CCSER1: variants seen among roughly 807,000 people sequenced by gnomAD.
CCSER1 encodes serine-rich coiled-coil domain-containing protein 1.
A neutral mutation model predicts 82.0 loss-of-function variants in CCSER1; 41 were observed. The observed-to-expected ratio is 0.50, with a 90% CI of 0.39 to 0.65. The LOEUF (loss-of-function observed/expected upper bound fraction) is 0.65. Among genes scored for constraint, CCSER1 ranks in the 30% least tolerant of loss-of-function variants. The pLI is 0.00. For synonymous variants in CCSER1, 414 were observed against 383.9 expected (o/e 1.08, Z -0.92); for missense variants, 1,119 against 1,064.2 (o/e 1.05, Z -0.72).
At chr4:91,281,176 C>T (rs1311186216) in intron 10 of CCSER1, among the ~76,000 whole-genome samples, 1 of 152,150 alleles carries the variant, frequency 6.6e-6, no homozygotes, top group Admixed American at 6.5e-5. Flanking sequence ...GAGCTGGCTG[C>T]CTCACATTCC....
At chr4:90,298,278 T>C (rs1396950841) in intron 1 of CCSER1, among the ~76,000 whole-genome samples, 1 of 152,152 alleles carries the variant, frequency 6.6e-6, no homozygotes, top group African/African-American at 2.4e-5. Flanking sequence ...AGTTTATTTA[T>C]GTAGGGGTGT....
At chr4:91,210,910 TACAC>T (rs1306683462) in intron 10 of CCSER1, among the ~76,000 whole-genome samples, 2 of 152,006 alleles carry the variant, frequency 1.3e-5, no homozygotes, top group African/African-American at 2.4e-5. Context: ...GCATTAGAAA[TACAC>T]ACTAAGTATT....
chr4:90,514,137 G>C lies in CCSER1; in HGVS notation c.1724+45783G>C, dbSNP rs141777923. 4.2e-4 allele frequency among the ~76,000 whole-genome samples: 64 copies of C among 152,226 alleles called. 2 individuals are homozygous for C. The East Asian group carries it at 0.012, about 28-fold the overall frequency. On this transcript the variant is annotated intron_variant, in intron 5 of 10. Coordinates refer to ENST00000509176, the MANE Select transcript of CCSER1 (RefSeq NM_001145065.2). Reference sequence around the variant, plus strand: ...AAATTTCAGAGGAGAGAATGAAATGGTTTTAGAAATTCAGCAGGAAATTGG... The same window carrying C: ...AAATTTCAGAGGAGAGAATGAAATGCTTTTAGAAATTCAGCAGGAAATTGG...
chr4:91,065,762 TACAC>T (rs1238530029), intron 9 of CCSER1, among the ~76,000 whole-genome samples: 1 of 152,128 alleles, frequency 6.6e-6, no homozygotes, highest in East Asian at 1.9e-4. Context: ...TATTAGTTGA[TACAC>T]ATACAGGTAT....
intron 10 of CCSER1, among the ~76,000 whole-genome samples, chr4:91,405,543 T>G (rs1016281368): frequency 1.3e-5 from 2 of 151,766 alleles, no homozygotes; most frequent in African/African-American, 4.8e-5. Context: ...TGGGAGAAAA[T>G]TTTTACAATC....
chr4:90,717,757 C>A (rs912062918), intron 6 of CCSER1, among the ~76,000 whole-genome samples: 4 of 142,084 alleles, frequency 2.8e-5, no homozygotes, highest in Non-Finnish European at 6.1e-5. Flanking sequence ...TATATATATA[C>A]ACACATATAT....
At chr4:91,496,617 C>T (rs1424498095) in intron 10 of CCSER1, among the ~76,000 whole-genome samples, 197 of 11,422 alleles carry the variant, frequency 0.017, 54 homozygotes, top group African/African-American at 0.028. Context: ...TATATATACA[C>T]GAATATATAT....
intron 1 of CCSER1, among the ~76,000 whole-genome samples, chr4:90,262,872 A>T (rs11931183): frequency 0.045 from 6,813 of 152,168 alleles, 396 homozygotes; most frequent in African/African-American, 0.13. Flanking sequence ...TGACTCTGCC[A>T]CTCATGCAAT....
At chr4:90,533,581 A>G (rs1774913590) in intron 5 of CCSER1, among the ~76,000 whole-genome samples, 1 of 152,204 alleles carries the variant, frequency 6.6e-6, no homozygotes, top group South Asian at 2.1e-4. Context: ...AGAGCTCATA[A>G]CGATTTGGAG....
intron 1 of CCSER1, among the ~76,000 whole-genome samples, chr4:90,260,264 A>G (rs1430228989): frequency 3.9e-5 from 6 of 152,204 alleles, no homozygotes; most frequent in Non-Finnish European, 5.9e-5. Flanking sequence ...AGGTGTTCAT[A>G]GTAGACTTCA....
intron 1 of CCSER1, among the ~76,000 whole-genome samples, chr4:90,192,905 A>T (rs1441266382): frequency 6.6e-6 from 1 of 152,162 alleles, no homozygotes; most frequent in African/African-American, 2.4e-5. Context: ...TCTCTAAACT[A>T]AAAACAGGAA....
At chr4:91,471,969 CAAAAAAAAAAAAAAAAAGA>C (rs1265972208) in intron 10 of CCSER1, among the ~76,000 whole-genome samples, 1 of 88,142 alleles carries the variant, frequency 1.1e-5, no homozygotes, top group Non-Finnish European at 2.3e-5. Context: ...CACTCCATCT[CAAAAAAAAAAAAAAAAAGA>C]AAAAAAAGAA....
chr4:91,156,035 T>C (rs1352850805), intron 10 of CCSER1, among the ~76,000 whole-genome samples: 1 of 151,886 alleles, frequency 6.6e-6, no homozygotes, highest in Admixed American at 6.6e-5. Context: ...GCTGAGATAT[T>C]CATGGATGAG....
intron 10 of CCSER1, among the ~76,000 whole-genome samples, chr4:91,413,975 G>A (rs902778825): frequency 6.6e-6 from 1 of 151,988 alleles, no homozygotes; most frequent in Non-Finnish European, 1.5e-5. Context: ...AAAAGATAAA[G>A]ACATTATAGA....
Position 90,876,609 on chromosome 4 carries a change from A to C in CCSER1, c.2095-46761A>C, listed in dbSNP as rs541763869. ...AATCATCATCTCTTAGTTCAGAAAC[A>C]CTTAGTTGTTCATAAACCACAAATC... On this transcript the variant is annotated intron_variant, in intron 8 of 10. Coordinates refer to ENST00000509176, the MANE Select transcript of CCSER1 (RefSeq NM_001145065.2). Among the ~76,000 whole-genome samples the C allele has an allele frequency of 5.3e-5, 8 of 152,208 alleles. No homozygotes were observed. In the East Asian group the frequency reaches 1.5e-3, roughly 29 times the overall value.
intron 9 of CCSER1, among the ~76,000 whole-genome samples, chr4:91,048,683 T>C (rs1300352298): frequency 6.6e-6 from 1 of 152,168 alleles, no homozygotes; most frequent in Non-Finnish European, 1.5e-5. Flanking sequence ...GATCGGCATA[T>C]GGCTTCCAGA....
intron 10 of CCSER1, among the ~76,000 whole-genome samples, chr4:91,447,730 T>C (rs1394031421): frequency 6.6e-6 from 1 of 152,152 alleles, no homozygotes; most frequent in Non-Finnish European, 1.5e-5. Context: ...CCCATTTTTG[T>C]TTAATTTTTT....
At position 90,338,665 on chromosome 4, in the gene CCSER1, A is replaced by G. The variant is rs368255233; in HGVS notation, c.1509+25618A>G. 1.9e-3 allele frequency among the ~76,000 whole-genome samples: 284 copies of G among 152,330 alleles called. 1 individual carries two copies. Among genetic ancestry groups the G allele is most frequent in the African/African-American group, 6.0e-3 (248 of 41,568 alleles). On this transcript the variant is annotated intron_variant, in intron 3 of 10. Transcript: ENST00000509176. The stretch of plus-strand genomic sequence containing the variant: ...TTTCTAGCTCTGCATTTTCGTTTAT[A>G]CAAAAAATAATGAAAATTTGTTATT...
chr4:91,418,658 A>C (rs1753520100), intron 10 of CCSER1, among the ~76,000 whole-genome samples: 1 of 152,044 alleles, frequency 6.6e-6, no homozygotes, highest in African/African-American at 2.4e-5. Flanking sequence ...TAAAGAAGAA[A>C]TACAACCTTC....
Sources: allele counts gnomAD v4.1 joint callset (sites outside exome capture counted in the v4.1 genomes callset), GRCh38; gene constraint gnomAD v4.1.1; transcripts MANE v1.5; gene names NCBI Gene and HGNC (gene_info 2026-07-23, HGNC 2026-07-21).